Variants in GRXCR1 observed in about 807,000 individuals in gnomAD.
GRXCR1 encodes the protein glutaredoxin domain-containing cysteine-rich protein 1.
In GRXCR1, 27 loss-of-function variants were observed where a neutral mutation model predicts 27.3. The observed-to-expected ratio is 0.99, with a 90% CI of 0.73 to 1.37. The LOEUF is 1.37. GRXCR1 is among the 40% of genes most tolerant of loss of function. The pLI, the probability that GRXCR1 is intolerant of heterozygous loss-of-function variation, is 0.00. For synonymous variants in GRXCR1, 122 were observed against 131.1 expected, an observed-to-expected ratio of 0.93 and a Z score of 0.47; for missense variants, 379 against 354.4, an observed-to-expected ratio of 1.07 and a Z score of -0.56.
At chr4:42,971,832 C>T (rs1031255899) in intron 2 of GRXCR1, among the ~76,000 whole-genome samples, 6 of 152,074 alleles carry the variant, frequency 3.9e-5, no homozygotes, top group African/African-American at 1.4e-4. Flanking sequence ...GTAGGATACA[C>T]TTCACTAAGA....
chr4:42,992,541 T>A (rs1387914596), intron 2 of GRXCR1, among the ~76,000 whole-genome samples: 1 of 152,164 alleles, frequency 6.6e-6, no homozygotes, highest in Non-Finnish European at 1.5e-5. Flanking sequence ...TTTTCTTGCT[T>A]AGAACTCCAG....
intron 1 of GRXCR1, among the ~76,000 whole-genome samples, chr4:42,948,252 AC>A (rs1321014402): frequency 1.3e-5 from 2 of 148,426 alleles, no homozygotes; most frequent in South Asian, 2.1e-4. Flanking sequence ...TTTTTTTAAT[AC>A]CTGAAAGGAA....
chr4:43,012,356 A>T (rs1712780895), intron 2 of GRXCR1, among the ~76,000 whole-genome samples: 1 of 152,238 alleles, frequency 6.6e-6, no homozygotes, highest in Non-Finnish European at 1.5e-5. Context: ...ATCTTGTATA[A>T]GAAATAATCA....
chr4:43,008,812 A>G (rs1158959863), intron 2 of GRXCR1, among the ~76,000 whole-genome samples: 1 of 152,194 alleles, frequency 6.6e-6, no homozygotes, highest in Non-Finnish European at 1.5e-5. Flanking sequence ...GTACTTTTAT[A>G]TTTTTGTGTT....
chr4:42,963,273 C>A, intron 2 of GRXCR1, 139 bp downstream of exon 2: 1 of 934,578 alleles, frequency 1.1e-6, no homozygotes, highest in Non-Finnish European at 1.7e-6. Context: ...GGGATTGGAG[C>A]ACTTATTTCT....
intron 2 of GRXCR1, among the ~76,000 whole-genome samples, chr4:43,011,867 G>A (rs750286174): frequency 6.6e-6 from 1 of 152,096 alleles, no homozygotes; most frequent in Non-Finnish European, 1.5e-5. Flanking sequence ...ATAGTAGCAT[G>A]AATAATAAAG....
At chr4:42,962,848 A>C in intron 1 of GRXCR1, 44 bp from the exon 2 acceptor site, 1 of 1,610,028 alleles carries the variant, frequency 6.2e-7, no homozygotes, top group South Asian at 1.1e-5. Context: ...AAGACACAAG[A>C]AAGTAAAAGC....
In GRXCR1 at chr4:42,893,306, C is replaced by G. The variant is rs201948629; in HGVS notation, c.40C>G (p.Arg14Gly). 1 of 1,613,522 alleles carries G rather than the reference C, an allele frequency of 6.2e-7. No homozygotes were observed. The highest frequency in any genetic ancestry group is 1.3e-5 in the African/African-American group (1 of 74,858). The change falls in exon 1 of 4, where the codon CGG (arginine) becomes GGG (glycine). Residue 14 changes from arginine to glycine, a missense_variant. Coordinates refer to ENST00000399770, the MANE Select transcript of GRXCR1 (RefSeq NM_001080476.3). ...REMKPESDRPRKVRFRIASSH... is the reference protein window; with the variant it reads ...REMKPESDRPGKVRFRIASSH... ...GATGAAGCCAGAAAGTGACAGGCCA[C>G]GGAAAGTCCGGTTTCGGATCGCGTC...
intron 1 of GRXCR1, among the ~76,000 whole-genome samples, chr4:42,941,614 A>G (rs1431764464): frequency 6.6e-6 from 1 of 152,024 alleles, no homozygotes; most frequent in East Asian, 1.9e-4. Context: ...GAGTTCCAGA[A>G]GGATAACATA....
intron 2 of GRXCR1, among the ~76,000 whole-genome samples, chr4:43,010,649 G>A (rs2109802275): frequency 6.6e-6 from 1 of 152,230 alleles, no homozygotes; most frequent in African/African-American, 2.4e-5. Context: ...TTAATAGCAG[G>A]AGGGTAGTTC....
At chr4:42,900,312 T>A (rs951419356) in intron 1 of GRXCR1, among the ~76,000 whole-genome samples, 6 of 152,196 alleles carry the variant, frequency 3.9e-5, no homozygotes, top group Non-Finnish European at 8.8e-5. Flanking sequence ...AATAAAGATT[T>A]GAGACATCTT....
At chr4:42,898,804 TG>T (rs1264404399) in intron 1 of GRXCR1, among the ~76,000 whole-genome samples, 1 of 148,570 alleles carries the variant, frequency 6.7e-6, no homozygotes, top group Non-Finnish European at 1.5e-5. Flanking sequence ...GAAATTCTTA[TG>T]TAGTGTTCTG....
Position 42,893,421 on chromosome 4 carries a change from T to C in GRXCR1, c.155T>C (p.Ile52Thr), listed in dbSNP as rs780773643. 1.3e-5 allele frequency: 21 copies of C among 1,613,804 alleles called. No individual in the cohort carries two copies. The highest frequency in any genetic ancestry group is 3.3e-4 in the Middle Eastern group (2 of 6,058). Reference protein sequence around the residue: ...LDSECASICGIDGLGDSDGQQ... With the variant: ...LDSECASICGTDGLGDSDGQQ... Reference sequence around the variant, plus strand: ...TCTGAATGTGCCAGTATCTGTGGGATAGATGGACTAGGTGATTCCGATGGA... The same window carrying C: ...TCTGAATGTGCCAGTATCTGTGGGACAGATGGACTAGGTGATTCCGATGGA... The change falls in exon 1 of 4, where the codon ATA (isoleucine) becomes ACA (threonine). Residue 52 changes from isoleucine (I) to threonine (T), a missense_variant. By Grantham distance (89) the Ile-to-Thr change is moderately conservative. Transcript: ENST00000399770.
At chr4:43,022,838 C>T (rs990519780) in intron 3 of GRXCR1, among the ~76,000 whole-genome samples, 1 of 152,124 alleles carries the variant, frequency 6.6e-6, no homozygotes, top group African/African-American at 2.4e-5. Context: ...CATTTCAGTC[C>T]TTACTATATA....
At chr4:42,923,436 CA>C (rs1317731182) in intron 1 of GRXCR1, among the ~76,000 whole-genome samples, 1 of 152,054 alleles carries the variant, frequency 6.6e-6, no homozygotes, top group Non-Finnish European at 1.5e-5. Context: ...TGCATGCAAA[CA>C]AAATATATCT....
At chr4:42,932,452 T>TTTGTTTTCCA (rs1553939786) in intron 1 of GRXCR1, among the ~76,000 whole-genome samples, 1 of 150,010 alleles carries the variant, frequency 6.7e-6, no homozygotes, top group African/African-American at 2.5e-5. Context: ...TTCACCGCAG[T>TTTGTTTTCCA]TTGCCATCTC....
At chr4:43,013,392 A>G (rs942404344) in intron 2 of GRXCR1, among the ~76,000 whole-genome samples, 3 of 152,180 alleles carry the variant, frequency 2.0e-5, no homozygotes. Flanking sequence ...AGAAAATCAA[A>G]TATTGCATGT....
intron 2 of GRXCR1, among the ~76,000 whole-genome samples, chr4:42,965,136 A>G (rs760358419): frequency 4.1e-4 from 63 of 152,032 alleles, no homozygotes; most frequent in Admixed American, 3.0e-3. Context: ...TATTTGCCCT[A>G]TAGTTTGAGG....
At chr4:42,935,918 T>C (rs759910463) in intron 1 of GRXCR1, among the ~76,000 whole-genome samples, 18 of 151,912 alleles carry the variant, frequency 1.2e-4, no homozygotes, top group South Asian at 8.3e-4. Context: ...TTACACTAAA[T>C]AACACTGCTT....
Sources: gnomAD v4.1 joint callset for allele counts (sites outside exome capture counted in the v4.1 genomes callset) on GRCh38, gnomAD v4.1.1 for gene constraint, MANE v1.5 for transcripts, NCBI Gene and HGNC (gene_info 2026-07-23, HGNC 2026-07-21) for gene names.